The following CTNND2 variants were observed in gnomAD, a reference collection of about 807,000 sequenced individuals.
The protein encoded by CTNND2 is catenin delta-2.
CTNND2 carries 22 observed loss-of-function variants against 144.4 expected under a neutral mutation model. The observed-to-expected ratio is 0.15, with a 90% CI of 0.11 to 0.22. CTNND2 has a LOEUF of 0.22. Among genes scored for constraint, CTNND2 ranks in the 10% least tolerant of loss-of-function variants. The probability of loss-of-function intolerance (pLI) is 1.00; values close to 1 mark genes in which losing one functional copy is unlikely to be tolerated. For missense variants in CTNND2, 1,353 were observed against 1,618.8 expected (o/e 0.84, Z 2.82); for synonymous variants, 751 against 695.6 (o/e 1.08, Z -1.25).
chr5:11,074,338 A>C (rs1206434532), intron 16 of CTNND2, among the ~76,000 whole-genome samples: 1 of 152,216 alleles, frequency 6.6e-6, no homozygotes, highest in Non-Finnish European at 1.5e-5. Flanking sequence ...TTTCGCCAGC[A>C]GACAGTGGGG....
chr5:11,092,177 G>A (rs1265162011), intron 15 of CTNND2, among the ~76,000 whole-genome samples: 3 of 152,144 alleles, frequency 2.0e-5, no homozygotes, highest in Non-Finnish European at 4.4e-5. Context: ...AATGTCTAGT[G>A]TCTTACTAAA....
intron 14 of CTNND2, among the ~76,000 whole-genome samples, chr5:11,106,601 G>C (rs530897150): frequency 3.3e-5 from 5 of 152,360 alleles, no homozygotes; most frequent in Admixed American, 3.3e-4. Context: ...ATGAATACAA[G>C]TTGGGTTTTT....
chr5:11,399,216 C>G (rs1021072853), intron 5 of CTNND2, among the ~76,000 whole-genome samples: 3 of 152,170 alleles, frequency 2.0e-5, no homozygotes, highest in African/African-American at 7.2e-5. Flanking sequence ...GGCATAATGG[C>G]TTGTACTGGC....
intron 9 of CTNND2, among the ~76,000 whole-genome samples, chr5:11,301,375 C>A (rs1028865153): frequency 6.6e-6 from 1 of 152,092 alleles, no homozygotes; most frequent in Non-Finnish European, 1.5e-5. Flanking sequence ...ATGCCCTCAG[C>A]TGGAGTCACT....
chr5:11,293,097 C>T (rs1301885909), intron 9 of CTNND2, among the ~76,000 whole-genome samples: 1 of 149,210 alleles, frequency 6.7e-6, no homozygotes. Context: ...TGCCATTATA[C>T]AGCTGTGCAA....
intron 2 of CTNND2, among the ~76,000 whole-genome samples, chr5:11,620,997 A>G (rs1021219817): frequency 6.6e-6 from 1 of 152,204 alleles, no homozygotes; most frequent in Non-Finnish European, 1.5e-5. Context: ...CCAGAGATCA[A>G]GAATAGTTGT....
chr5:11,522,200 AG>A (rs1220326685), intron 3 of CTNND2, among the ~76,000 whole-genome samples: 1 of 152,232 alleles, frequency 6.6e-6, no homozygotes, highest in Non-Finnish European at 1.5e-5. Context: ...ATGTGTTAGA[AG>A]AAAGATTGTA....
chr5:11,250,519 ATT>A (rs67476400), intron 9 of CTNND2, among the ~76,000 whole-genome samples: 2,399 of 83,224 alleles, frequency 0.029, 102 homozygotes, highest in African/African-American at 0.092. Flanking sequence ...ATATACATAT[ATT>A]TTTTTTTTTT....
chr5:11,082,066 T>C (rs192622199), intron 16 of CTNND2, among the ~76,000 whole-genome samples: 1 of 152,350 alleles, frequency 6.6e-6, no homozygotes, highest in East Asian at 1.9e-4. Context: ...TTGTTTAGTT[T>C]GCTTCTTGAA....
intron 2 of CTNND2, among the ~76,000 whole-genome samples, chr5:11,705,550 TGA>T (rs1785653182): frequency 6.6e-6 from 1 of 152,230 alleles, no homozygotes; most frequent in African/African-American, 2.4e-5. Flanking sequence ...ATCTGAGTAG[TGA>T]GAGAGGGGTT....
intron 3 of CTNND2, among the ~76,000 whole-genome samples, chr5:11,532,766 T>G (rs1773861416): frequency 6.6e-6 from 1 of 152,240 alleles, no homozygotes; most frequent in Admixed American, 6.5e-5. Context: ...GGAAATAGAC[T>G]TTAATCAATA....
chr5:11,174,637 T>C (rs1194615812), intron 11 of CTNND2, among the ~76,000 whole-genome samples: 1 of 152,180 alleles, frequency 6.6e-6, no homozygotes, highest in Non-Finnish European at 1.5e-5. Flanking sequence ...AGAGGGTTGA[T>C]TGAGGACAAA....
At chr5:11,778,531 C>A (rs1275816243) in intron 1 of CTNND2, among the ~76,000 whole-genome samples, 1 of 152,144 alleles carries the variant, frequency 6.6e-6, no homozygotes, top group Non-Finnish European at 1.5e-5. Context: ...AACCTATAAT[C>A]TCAATTGAAT....
intron 11 of CTNND2, among the ~76,000 whole-genome samples, chr5:11,188,803 G>A (rs1414740052): frequency 6.6e-6 from 1 of 152,014 alleles, no homozygotes; most frequent in African/African-American, 2.4e-5. Context: ...TTATCACCTT[G>A]GAACACTTAA....
intron 1 of CTNND2, among the ~76,000 whole-genome samples, chr5:11,800,195 C>T (rs1431029564): frequency 1.3e-5 from 2 of 152,130 alleles, no homozygotes; most frequent in East Asian, 3.8e-4. Context: ...GGAATTTAAA[C>T]CTTCAAAGAA....
At chr5:11,671,757 C>T (rs1783883769) in intron 2 of CTNND2, among the ~76,000 whole-genome samples, 1 of 151,930 alleles carries the variant, frequency 6.6e-6, no homozygotes, top group Admixed American at 6.6e-5. Flanking sequence ...TGTTATTACC[C>T]ACCTTCTGAA....
chr5:11,636,372 C>A (rs1274270588), intron 2 of CTNND2, among the ~76,000 whole-genome samples: 1 of 152,130 alleles, frequency 6.6e-6, no homozygotes, highest in Non-Finnish European at 1.5e-5. Context: ...GAAGTAAATG[C>A]ATGAAAGAAT....
At chr5:11,188,737 TGGAAGA>T (rs1735921692) in intron 11 of CTNND2, among the ~76,000 whole-genome samples, 1 of 152,202 alleles carries the variant, frequency 6.6e-6, no homozygotes, top group East Asian at 1.9e-4. Context: ...GAGCTATGGC[TGGAAGA>T]AGCCATATGG....
At chr5:11,494,967 C>T (rs753571044) in intron 3 of CTNND2, among the ~76,000 whole-genome samples, 1 of 152,090 alleles carries the variant, frequency 6.6e-6, no homozygotes, top group Non-Finnish European at 1.5e-5. Flanking sequence ...ATCCTTTCAC[C>T]AATGCCATTC....
Sources: allele counts gnomAD v4.1 joint callset (sites outside exome capture counted in the v4.1 genomes callset), GRCh38; gene constraint gnomAD v4.1.1; transcripts MANE v1.5; gene names NCBI Gene and HGNC (gene_info 2026-07-23, HGNC 2026-07-21).